Variants in CCNH observed in about 807,000 individuals in gnomAD.
CCNH encodes the protein cyclin H.
A neutral mutation model predicts 41.9 loss-of-function variants in CCNH; 31 were observed. The observed-to-expected ratio is 0.74, with a 90% CI of 0.56 to 1.00. CCNH has a LOEUF of 1.00. Ranked by LOEUF, CCNH falls within the 50% of genes least tolerant of loss-of-function variation. The pLI is 0.00. For missense variants in CCNH, 362 were observed against 388.4 expected, an observed-to-expected ratio of 0.93 and a Z score of 0.57; for synonymous variants, 138 against 136.1, an observed-to-expected ratio of 1.01 and a Z score of -0.10.
At chr5:87,319,131 A>G (rs1322231872) in intron 9 of CCNH, among the ~76,000 whole-genome samples, 1 of 152,332 alleles carries the variant, frequency 6.6e-6, no homozygotes, top group Non-Finnish European at 1.5e-5. Flanking sequence ...GGCCTTTGGC[A>G]GCTCTGCCCC....
intron 9 of CCNH, chr5:87,341,239 A>T: frequency 2.8e-6 from 3 of 1,077,216 alleles, no homozygotes; most frequent in Non-Finnish European, 3.7e-6. Context: ...TTTAATAAAA[A>T]TTGATTAATA....
intron 9 of CCNH, among the ~76,000 whole-genome samples, chr5:87,327,961 C>T (rs1325383712): frequency 2.7e-5 from 4 of 148,452 alleles, no homozygotes; most frequent in East Asian, 2.0e-4. Flanking sequence ...AGCAAGACTC[C>T]GTTTCCCAAA....
At chr5:87,374,877 C>CT, downstream of CCNH, 1 of 1,608,258 alleles carries the variant, frequency 6.2e-7, no homozygotes, top group Non-Finnish European at 8.5e-7. Context: ...TGAAATAACT[C>CT]TTAGTAATAA....
intron 9 of CCNH, among the ~76,000 whole-genome samples, chr5:87,319,267 C>A (rs1008975441): frequency 6.6e-6 from 1 of 152,238 alleles, no homozygotes; most frequent in African/African-American, 2.4e-5. Context: ...AGGATGATGG[C>A]CCTCTTCCCA....
rs1230374028 is a variant in CCNH, at chr5:87,404,800, A to C, written c.689+44T>G. ...CAGAAATGATTCTATGAATAAATAA[A>C]CCCAGTGACTGAATTTGACCTAAGT... On this transcript the variant is annotated intron_variant, in intron 5 of 8. Transcript: ENST00000256897. 2.1e-6 allele frequency: 3 copies of C among 1,421,126 alleles called. No homozygotes were observed. In the Admixed American group the frequency reaches 6.4e-5, roughly 30 times the overall value. The allele number at this position is 1,421,126 out of a possible 1,614,324, so 88.0% of individuals were successfully genotyped here. A position where few individuals can be genotyped will look rare whatever the true frequency, so the allele number is the denominator to read the frequency against.
chr5:87,409,912 ACT>A (rs1237789841), intron 2 of CCNH, among the ~76,000 whole-genome samples: 1 of 152,070 alleles, frequency 6.6e-6, no homozygotes, highest in Non-Finnish European at 1.5e-5. Flanking sequence ...CATGTGCCAG[ACT>A]CTGTGCTAAA....
rs3093834 is a variant in CCNH at position 87,398,768 on chromosome 5, T to C, written c.872+626A>G. Among the ~76,000 whole-genome samples, 1,066 of 151,994 alleles carry C rather than the reference T, an allele frequency of 7.0e-3. 19 individuals are homozygous for C. The highest frequency in any genetic ancestry group is 0.024 in the African/African-American group (994 of 41,458). ...GTGGGCGGATCATGAGGTCAGGAGA[T>C]TGAGACCATCCTGGCTAACACGATG... On this transcript the variant is annotated intron_variant, in intron 7 of 8. Coordinates refer to ENST00000256897, the MANE Select transcript of CCNH (RefSeq NM_001239.4).
At chr5:87,392,450 C>T, downstream of CCNH, 1 of 421,830 alleles carries the variant, frequency 2.4e-6, no homozygotes, top group Non-Finnish European at 4.7e-6. Flanking sequence ...TCCATTCTCT[C>T]CCTTCTTGGC....
intron 9 of CCNH, among the ~76,000 whole-genome samples, chr5:87,358,237 T>G (rs567092387): frequency 2.2e-4 from 34 of 152,264 alleles, no homozygotes; most frequent in Middle Eastern, 3.4e-3. Context: ...AGGCAAGCAT[T>G]AGACAAAAAG....
downstream of CCNH, chr5:87,391,155 C>T (rs1762486277): frequency 7.1e-6 from 4 of 560,244 alleles, no homozygotes; most frequent in South Asian, 2.2e-5. Context: ...TTTCACAAAA[C>T]GAAATGCTAT....
chr5:87,349,135 C>T, intron 9 of CCNH: 1 of 1,490,386 alleles, frequency 6.7e-7, no homozygotes, highest in Non-Finnish European at 9.3e-7. Flanking sequence ...ACTTTGAATG[C>T]ACTTTGTAAT....
At chr5:87,364,972 G>T (rs1760396839) in intron 9 of CCNH, among the ~76,000 whole-genome samples, 1 of 152,170 alleles carries the variant, frequency 6.6e-6, no homozygotes, top group Admixed American at 6.5e-5. Flanking sequence ...ATATGTATGG[G>T]TGAAATGGAT....
intron 9 of CCNH, among the ~76,000 whole-genome samples, chr5:87,330,767 T>G (rs1400505594): frequency 6.6e-6 from 1 of 152,170 alleles, no homozygotes; most frequent in Admixed American, 6.6e-5. Flanking sequence ...GAAAGTTGAG[T>G]GCAAATGTAA....
chr5:87,311,686 A>C, the CCNH span, among the ~76,000 whole-genome samples: 2 of 152,190 alleles, frequency 1.3e-5, no homozygotes, highest in Non-Finnish European at 2.9e-5. Flanking sequence ...AACTCACCTG[A>C]GTCTTGGTGT....
chr5:87,324,614 A>G (rs1456449993), intron 9 of CCNH, among the ~76,000 whole-genome samples: 1 of 152,190 alleles, frequency 6.6e-6, no homozygotes, highest in Admixed American at 6.6e-5. Context: ...ACTTTGAACT[A>G]ACTTGATCTG....
downstream of CCNH, among the ~76,000 whole-genome samples, chr5:87,390,600 T>C (rs879808124): frequency 9.2e-5 from 14 of 152,182 alleles, no homozygotes; most frequent in Non-Finnish European, 1.8e-4. Flanking sequence ...CTGTTCACTT[T>C]AGGGTATAAA....
At chr5:87,355,544 A>C (rs749123094) in intron 9 of CCNH, among the ~76,000 whole-genome samples, 5 of 152,192 alleles carry the variant, frequency 3.3e-5, no homozygotes, top group Admixed American at 6.5e-5. Flanking sequence ...CTCTACAATC[A>C]AGAGCTCAGA....
chr5:87,401,664 TG>T, intron 6 of CCNH, 37 bp downstream of exon 6: 1 of 1,250,804 alleles, frequency 8.0e-7, no homozygotes, highest in Non-Finnish European at 1.1e-6. Context: ...AGCTTTGTAT[TG>T]GAAGAAACAT....
At chr5:87,389,842 T>G (rs1464462176), downstream of CCNH, among the ~76,000 whole-genome samples, 2 of 152,178 alleles carry the variant, frequency 1.3e-5, no homozygotes, top group Non-Finnish European at 2.9e-5. Flanking sequence ...TTTTTTTTTC[T>G]TTCAGTTTCT....
Sources: gnomAD v4.1 joint callset for allele counts (sites outside exome capture counted in the v4.1 genomes callset) on GRCh38, gnomAD v4.1.1 for gene constraint, MANE v1.5 for transcripts, NCBI Gene and HGNC (gene_info 2026-07-23, HGNC 2026-07-21) for gene names.